The following GDE1 variants were observed in gnomAD, a reference collection of about 807,000 sequenced individuals.
The protein encoded by GDE1 is RGS16-interacting membrane protein.
Under a neutral mutation model 32.2 loss-of-function variants are expected in GDE1, and 24 were observed. The observed-to-expected ratio is 0.75, with a 90% confidence interval of 0.54 to 1.05. The LOEUF (loss-of-function observed/expected upper bound fraction) is 1.05. Among genes scored for constraint, GDE1 ranks in the 50% least tolerant of loss-of-function variants. The probability of loss-of-function intolerance (pLI) is 0.00; values close to 1 mark genes in which losing one functional copy is unlikely to be tolerated. For missense variants in GDE1, 380 were observed against 415.0 expected (o/e 0.92, Z 0.73); for synonymous variants, 159 against 158.6 (o/e 1.00, Z -0.02).
intron 2 of GDE1, among the ~76,000 whole-genome samples, chr16:19,512,221 C>T (rs1461608981): frequency 6.6e-6 from 1 of 152,090 alleles, no homozygotes; most frequent in African/African-American, 2.4e-5. Context: ...TCTGTATCCT[C>T]GCCAGCATCT....
chr16:19,506,853 G>A (rs1359209454), intron 4 of GDE1, among the ~76,000 whole-genome samples: 6 of 152,154 alleles, frequency 3.9e-5, no homozygotes, highest in Non-Finnish European at 8.8e-5. Flanking sequence ...GCATCACTAG[G>A]CTGGTTACTG....
chr16:19,515,562 C>T (rs1246690843), intron 2 of GDE1, among the ~76,000 whole-genome samples: 1 of 152,136 alleles, frequency 6.6e-6, no homozygotes, highest in Non-Finnish European at 1.5e-5. Flanking sequence ...ATTTTATTAG[C>T]TGCAATGTCA....
Position 19,503,251 on chromosome 16 carries a change from C to T in GDE1, c.*219G>A. ...GGGGCTCTTGTGCGTTTTTTCAGAC[C>T]CAGATTTTCAAGAGCAACAGTGTTG... On this transcript the variant is annotated 3_prime_UTR_variant, in exon 6 of 6. Transcript: ENST00000353258. The T allele has an allele frequency of 9.6e-6, 5 of 519,654 alleles. No individual in the cohort carries two copies. Among genetic ancestry groups the T allele is most frequent in the East Asian group, 3.0e-5 (1 of 33,196 alleles). 32.2% of individuals were successfully genotyped at this position (519,654 alleles called of 1,614,324 possible).
At chr16:19,511,758 T>A (rs9927409) in intron 2 of GDE1, among the ~76,000 whole-genome samples, 24,386 of 151,974 alleles carry the variant, frequency 0.16, 2,907 homozygotes, top group East Asian at 0.39. Flanking sequence ...CATTCTCCTC[T>A]CTACCTCCAT....
At chr16:19,515,053 T>G (rs1969362957) in intron 2 of GDE1, among the ~76,000 whole-genome samples, 1 of 91,920 alleles carries the variant, frequency 1.1e-5, no homozygotes, top group Non-Finnish European at 1.9e-5. Context: ...GCAACAAGAG[T>G]GAAACTCCAA....
intron 3 of GDE1, among the ~76,000 whole-genome samples, chr16:19,509,089 G>A (rs1411143592): frequency 6.6e-6 from 1 of 152,152 alleles, no homozygotes; most frequent in African/African-American, 2.4e-5. Flanking sequence ...ATCACTCGAG[G>A]CCAGGAGTTT....
chr16:19,518,535 G>T (rs1160374648), intron 1 of GDE1, among the ~76,000 whole-genome samples: 1 of 152,108 alleles, frequency 6.6e-6, no homozygotes, highest in Non-Finnish European at 1.5e-5. Context: ...ACTCTTATCC[G>T]CTTCAGTTTT....
intron 2 of GDE1, among the ~76,000 whole-genome samples, chr16:19,516,766 G>A (rs978147790): frequency 6.6e-6 from 1 of 152,212 alleles, no homozygotes; most frequent in African/African-American, 2.4e-5. Context: ...TCAGCCTCAT[G>A]ATTCTATGAC....
At chr16:19,512,927 T>TTGTGTG (rs144957791) in intron 2 of GDE1, among the ~76,000 whole-genome samples, 23,671 of 136,938 alleles carry the variant, frequency 0.17, 2,305 homozygotes, top group African/African-American at 0.27. Context: ...TGTATCTGTT[T>TTGTGTG]TGTGTGTGTG....
At position 19,521,819 on chromosome 16, in the gene GDE1, G is replaced by A. The variant is rs1352118156; in HGVS notation, c.146C>T (p.Pro49Leu). ...CTGCAGGGCCCTGCAAGAGGGCACC[G>A]GCTCAAAGCTGAAGACGCGCAGTAG... ...FVLLRVFSFE[P>L]VPSCRALQVL... The change falls in exon 1 of 6, where the codon CCG becomes CTG. Residue 49 changes from proline to leucine, a missense_variant. Physicochemically the swap from Pro to Leu is moderately conservative, Grantham distance 98. Transcript: ENST00000353258. 4 of 1,611,140 alleles carry A rather than the reference G, an allele frequency of 2.5e-6. No homozygotes were observed. The highest frequency in any genetic ancestry group is 3.4e-6 in the Non-Finnish European group (4 of 1,179,302).
chr16:19,506,095 C>A (rs73542158), intron 4 of GDE1, among the ~76,000 whole-genome samples: 1 of 152,072 alleles, frequency 6.6e-6, no homozygotes, highest in African/African-American at 2.4e-5. Flanking sequence ...GACGGAAAAA[C>A]ACCCTCATCT....
At chr16:19,505,365 C>G (rs1265960485) in intron 4 of GDE1, among the ~76,000 whole-genome samples, 2 of 152,156 alleles carry the variant, frequency 1.3e-5, no homozygotes, top group African/African-American at 4.8e-5. Context: ...ACTTCAGGAT[C>G]AAATTTTAAT....
chr16:19,509,429 T>C (rs1969288602), intron 3 of GDE1, among the ~76,000 whole-genome samples: 1 of 152,078 alleles, frequency 6.6e-6, no homozygotes. Context: ...AAATACATGT[T>C]CCTTGAGCCC....
Position 19,522,016 on chromosome 16 carries a change from G to A in GDE1, c.-52C>T, listed in dbSNP as rs1276567597. On this transcript the variant is annotated 5_prime_UTR_variant, in exon 1 of 6. Transcript: ENST00000353258. Reference sequence around the variant, plus strand: ...GAGTCCCGGACCCGCCGGGCTCCTGGGGCAGTAGAACGAGAAGCGAGGGGG... The same window carrying A: ...GAGTCCCGGACCCGCCGGGCTCCTGAGGCAGTAGAACGAGAAGCGAGGGGG... 2 of 1,497,584 alleles carry A rather than the reference G, an allele frequency of 1.3e-6. No individual in the cohort carries two copies. The highest frequency in any genetic ancestry group is 1.8e-6 in the Non-Finnish European group (2 of 1,121,094). The allele number at this position is 1,497,584 out of a possible 1,614,324, so 92.8% of individuals were successfully genotyped here. A position where few individuals can be genotyped will look rare whatever the true frequency, so the allele number is the denominator to read the frequency against.
At position 19,522,094 on chromosome 16, in the gene GDE1, A is replaced by G. The variant is rs773057998; in HGVS notation, c.-130T>C. On this transcript the variant is annotated 5_prime_UTR_variant, in exon 1 of 6. Coordinates refer to ENST00000353258, the MANE Select transcript of GDE1 (RefSeq NM_016641.4). ...AACCCTCTGAGGGGACCAGCGCCGCACAATGGCGGCAGCAGACACATCCAG... is the reference window on the plus strand; with the variant it reads ...AACCCTCTGAGGGGACCAGCGCCGCGCAATGGCGGCAGCAGACACATCCAG... 4.3e-6 allele frequency: 4 copies of G among 936,482 alleles called. No individual in the cohort carries two copies. The African/African-American group carries it at 5.0e-5, about 12-fold the overall frequency. 58.0% of individuals were successfully genotyped at this position (936,482 alleles called of 1,614,324 possible).
rs181405212 is a variant in GDE1, at chr16:19,517,486, G to T, written c.262-297C>A. The stretch of plus-strand genomic sequence containing the variant: ...GTTTTCTCTGGATGTTTAACTATAT[G>T]GGTCATCAATGGCTTATGAATACTT... On this transcript the variant is annotated intron_variant, in intron 1 of 5. Coordinates refer to ENST00000353258, the MANE Select transcript of GDE1 (RefSeq NM_016641.4). 8.1e-4 allele frequency among the ~76,000 whole-genome samples: 124 copies of T among 152,288 alleles called. No individual in the cohort carries two copies. The Middle Eastern group carries it at 0.01, about 13-fold the overall frequency.
intron 1 of GDE1, among the ~76,000 whole-genome samples, chr16:19,519,195 C>T (rs1355677981): frequency 6.6e-6 from 1 of 151,994 alleles, no homozygotes; most frequent in Admixed American, 6.5e-5. Flanking sequence ...TTTATGGAAG[C>T]TTCATGATGT....
rs191556889 is a variant in GDE1 at position 19,513,098 on chromosome 16, C to T, written c.438-2154G>A. On this transcript the variant is annotated intron_variant, in intron 2 of 5. Transcript: ENST00000353258. ...TGCTTTAGCTATTTGGGCTTCTTTA[C>T]GGTTCCATATGAATTTTAGGATTGT... is the stretch of plus-strand genomic sequence containing the variant. Among the ~76,000 whole-genome samples, 97 of 152,080 alleles carry T rather than the reference C, an allele frequency of 6.4e-4. 1 individual carries two copies. The highest frequency in any genetic ancestry group is 1.2e-3 in the African/African-American group (48 of 41,514).
chr16:19,517,885 C>A (rs945149559), intron 1 of GDE1, among the ~76,000 whole-genome samples: 5 of 149,046 alleles, frequency 3.4e-5, no homozygotes, highest in Admixed American at 1.3e-4. Context: ...ATGAAGATTT[C>A]TTTCTTTTTT....
Sources: gnomAD v4.1 joint callset for allele counts (sites outside exome capture counted in the v4.1 genomes callset) on GRCh38, gnomAD v4.1.1 for gene constraint, MANE v1.5 for transcripts, NCBI Gene and HGNC (gene_info 2026-07-23, HGNC 2026-07-21) for gene names.